TFEC: variants seen among roughly 807,000 people sequenced by gnomAD.
The protein encoded by TFEC is class E basic helix-loop-helix protein 34.
A neutral mutation model predicts 41.6 loss-of-function variants in TFEC; 31 were observed. The ratio of observed to expected loss-of-function variants is 0.74; its 90% CI spans 0.56 to 1.01. The LOEUF (loss-of-function observed/expected upper bound fraction) is 1.01. Ranked by LOEUF, TFEC falls within the 50% of genes least tolerant of loss-of-function variation. The pLI is 0.00. For missense variants in TFEC, 402 were observed against 404.1 expected, an observed-to-expected ratio of 0.99 and a Z score of 0.04; for synonymous variants, 143 against 140.6, an observed-to-expected ratio of 1.02 and a Z score of -0.12.
intron 1 of TFEC, among the ~76,000 whole-genome samples, chr7:116,000,585 C>T (rs1794553140): frequency 1.3e-5 from 2 of 152,074 alleles, no homozygotes; most frequent in Admixed American, 6.5e-5. Flanking sequence ...CTGATAAATT[C>T]AGTAAAGTTG....
At chr7:116,053,226 G>A (rs1796355381) in intron 3 of TFEC, among the ~76,000 whole-genome samples, 1 of 152,270 alleles carries the variant, frequency 6.6e-6, no homozygotes, top group African/African-American at 2.4e-5. Flanking sequence ...AATGAATCTT[G>A]GACATGCAAT....
At chr7:116,077,098 T>C (rs536594307) in intron 3 of TFEC, among the ~76,000 whole-genome samples, 2 of 152,208 alleles carry the variant, frequency 1.3e-5, no homozygotes, top group South Asian at 2.1e-4. Context: ...CTCTACAAAC[T>C]AGAAGGGATT....
intron 3 of TFEC, among the ~76,000 whole-genome samples, chr7:116,042,311 A>G (rs182363253): frequency 6.6e-6 from 1 of 152,294 alleles, no homozygotes; most frequent in East Asian, 1.9e-4. Flanking sequence ...TTGTATATGA[A>G]GAGAAAACAA....
chr7:116,122,717 T>C (rs1477994110), intron 1 of TFEC, among the ~76,000 whole-genome samples: 1 of 151,942 alleles, frequency 6.6e-6, no homozygotes, highest in Non-Finnish European at 1.5e-5. Context: ...GAAGATGAGG[T>C]TCTAGGGCAA....
chr7:116,103,070 T>C (rs1445480149), intron 3 of TFEC, among the ~76,000 whole-genome samples: 1 of 152,198 alleles, frequency 6.6e-6, no homozygotes, highest in Non-Finnish European at 1.5e-5. Context: ...TTTCAGAGAC[T>C]TTTAAAGGTT....
intron 1 of TFEC, among the ~76,000 whole-genome samples, chr7:116,156,788 A>T (rs1798877998): frequency 6.6e-6 from 1 of 152,326 alleles, no homozygotes; most frequent in East Asian, 1.9e-4. Context: ...CGGTAAAGGC[A>T]TTCATACCTT....
At chr7:116,123,891 T>C (rs1381547014) in intron 1 of TFEC, among the ~76,000 whole-genome samples, 1 of 152,158 alleles carries the variant, frequency 6.6e-6, no homozygotes, top group African/African-American at 2.4e-5. Flanking sequence ...AATGTGTCTA[T>C]ATCTGCCACA....
At position 115,981,847 on chromosome 7, in the gene TFEC, TAAG is replaced by T. The variant is rs552619504; in HGVS notation, c.180+2412_180+2414del. ...ATAAGCAGGAGGTAAAGAAAAGGTG[TAAG>T]AAGGAGAGCCCCGCCACCATGAGAA... is the stretch of plus-strand genomic sequence containing the variant. On this transcript the variant is annotated intron_variant, in intron 2 of 7. Coordinates refer to ENST00000265440, the MANE Select transcript of TFEC (RefSeq NM_012252.4). Among the ~76,000 whole-genome samples the T allele has an allele frequency of 3.9e-5, 6 of 151,946 alleles. No homozygotes were observed. In the South Asian group the frequency reaches 1.0e-3, roughly 26 times the overall value.
rs1025757138 is a variant in TFEC, at chr7:115,968,321, T to C, written c.267+5849A>G. 45 of 1,488,458 alleles carry C rather than the reference T, an allele frequency of 3.0e-5. No individual in the cohort carries two copies. In the Admixed American group the frequency reaches 4.4e-4, roughly 15 times the overall value. 92.2% of individuals were successfully genotyped at this position (1,488,458 alleles called of 1,614,324 possible). A position where few individuals can be genotyped will look rare whatever the true frequency, so the allele number is the denominator to read the frequency against. On this transcript the variant is annotated intron_variant, in intron 3 of 7. Transcript: ENST00000265440. Reference sequence around the variant, plus strand: ...GAAACTTCTACACTAAAGTGAACTTTGGTTCTTCTTTGGACTTTAAGACTA... The same window carrying C: ...GAAACTTCTACACTAAAGTGAACTTCGGTTCTTCTTTGGACTTTAAGACTA...
At chr7:115,947,821 C>T (rs1196875397) in intron 6 of TFEC, among the ~76,000 whole-genome samples, 1 of 151,736 alleles carries the variant, frequency 6.6e-6, no homozygotes, top group South Asian at 2.1e-4. Context: ...GGATATTAGC[C>T]CTTTGTCAGA....
chr7:116,052,688 A>T (rs1374598520), intron 3 of TFEC, among the ~76,000 whole-genome samples: 1 of 151,452 alleles, frequency 6.6e-6, no homozygotes, highest in East Asian at 2.0e-4. Context: ...TAGCCTCCCA[A>T]AGTGCTGGGA....
intron 1 of TFEC, among the ~76,000 whole-genome samples, chr7:116,006,107 C>G (rs564539937): frequency 1.3e-5 from 2 of 152,314 alleles, no homozygotes; most frequent in East Asian, 3.9e-4. Context: ...GGACAGGGCC[C>G]TCATAGAGAA....
chr7:116,016,891 CTTA>C (rs1281870208), intron 1 of TFEC, among the ~76,000 whole-genome samples: 3 of 152,026 alleles, frequency 2.0e-5, no homozygotes, highest in Non-Finnish European at 2.9e-5. Flanking sequence ...GTCCCAAGCA[CTTA>C]TTATTTCTCC....
intron 3 of TFEC, among the ~76,000 whole-genome samples, chr7:116,077,604 C>T (rs1796989498): frequency 6.6e-6 from 1 of 151,688 alleles, no homozygotes; most frequent in African/African-American, 2.4e-5. Context: ...AAATGGAAAC[C>T]AAATGCAAGC....
chr7:115,993,707 AG>A (rs1464311194), intron 1 of TFEC, among the ~76,000 whole-genome samples: 2 of 152,216 alleles, frequency 1.3e-5, no homozygotes, highest in Non-Finnish European at 2.9e-5. Context: ...GAAATAAAAG[AG>A]GACACAAACA....
intron 1 of TFEC, among the ~76,000 whole-genome samples, chr7:116,003,042 C>T (rs989777871): frequency 5.3e-5 from 8 of 152,056 alleles, no homozygotes; most frequent in African/African-American, 1.9e-4. Flanking sequence ...AATAGTAACA[C>T]ATAGAATAGA....
intron 1 of TFEC, among the ~76,000 whole-genome samples, chr7:116,026,067 A>G (rs1795572923): frequency 6.6e-6 from 1 of 152,216 alleles, no homozygotes; most frequent in Non-Finnish European, 1.5e-5. Flanking sequence ...ATGCTAAAAC[A>G]TAATCAAATC....
chr7:116,063,577 C>T (rs1160980231), intron 3 of TFEC, among the ~76,000 whole-genome samples: 3 of 152,108 alleles, frequency 2.0e-5, no homozygotes, highest in Non-Finnish European at 4.4e-5. Flanking sequence ...CAAGATCACA[C>T]CAATGCACTC....
intron 3 of TFEC, among the ~76,000 whole-genome samples, chr7:116,038,301 T>G (rs893648910): frequency 6.6e-6 from 1 of 152,016 alleles, no homozygotes; most frequent in Non-Finnish European, 1.5e-5. Context: ...ATGCAATCTC[T>G]GTGTCCTTTT....
Sources: gnomAD v4.1 joint callset for allele counts (sites outside exome capture counted in the v4.1 genomes callset) on GRCh38, gnomAD v4.1.1 for gene constraint, MANE v1.5 for transcripts, NCBI Gene and HGNC (gene_info 2026-07-23, HGNC 2026-07-21) for gene names.